The following ITFG1 variants were observed in gnomAD, a reference collection of about 807,000 sequenced individuals.
The protein encoded by ITFG1 is T-cell immunomodulatory protein.
ITFG1 carries 34 observed loss-of-function variants against 81.8 expected under a neutral mutation model. That is an observed-to-expected ratio of 0.42 (90% CI 0.32 to 0.55). ITFG1 has a LOEUF of 0.55. Ranked by LOEUF, ITFG1 falls within the 20% of genes least tolerant of loss-of-function variation. ITFG1 has a pLI of 0.17. For synonymous variants in ITFG1, 285 were observed against 270.6 expected (o/e 1.05, Z -0.52); for missense variants, 672 against 755.4 (o/e 0.89, Z 1.29).
chr16:47,364,259 T>C (rs1968147365), intron 8 of ITFG1, among the ~76,000 whole-genome samples: 1 of 152,172 alleles, frequency 6.6e-6, no homozygotes, highest in South Asian at 2.1e-4. Flanking sequence ...GAGCAATAGA[T>C]ATGTTTCTTA....
At chr16:47,348,703 C>T (rs1967899204) in intron 8 of ITFG1, among the ~76,000 whole-genome samples, 1 of 152,090 alleles carries the variant, frequency 6.6e-6, no homozygotes, top group Admixed American at 6.5e-5. Context: ...TCAGGAAATA[C>T]AGAGAACACC....
intron 6 of ITFG1, among the ~76,000 whole-genome samples, chr16:47,378,463 C>T (rs1968354951): frequency 6.6e-6 from 1 of 152,110 alleles, no homozygotes; most frequent in East Asian, 1.9e-4. Context: ...AAAACCAATT[C>T]AAAAATTTTT....
chr16:47,345,109 T>C (rs35514741), intron 8 of ITFG1, among the ~76,000 whole-genome samples: 101,304 of 151,950 alleles, frequency 0.67, 34,033 homozygotes, highest in East Asian at 0.92. Flanking sequence ...TTAGCAAGGG[T>C]TAAAACAGTA....
intron 14 of ITFG1, among the ~76,000 whole-genome samples, chr16:47,206,760 A>G (rs555952417): frequency 1.3e-5 from 2 of 152,232 alleles, no homozygotes; most frequent in Admixed American, 1.3e-4. Context: ...CCATCTCCTT[A>G]ACACATCCCT....
At chr16:47,460,771 T>C in intron 1 of ITFG1, 67 bp downstream of exon 1, 1 of 1,545,908 alleles carries the variant, frequency 6.5e-7, no homozygotes, top group Non-Finnish European at 8.9e-7. Flanking sequence ...CATTGGGCAA[T>C]GGGTTTGGGG....
chr16:47,273,529 A>C (rs1241906472), intron 10 of ITFG1, among the ~76,000 whole-genome samples: 4 of 152,196 alleles, frequency 2.6e-5, no homozygotes, highest in Non-Finnish European at 5.9e-5. Context: ...ATTCACAATA[A>C]AGTTCACTTT....
intron 14 of ITFG1, among the ~76,000 whole-genome samples, chr16:47,178,414 T>C (rs1965056482): frequency 6.6e-6 from 1 of 152,128 alleles, no homozygotes; most frequent in Non-Finnish European, 1.5e-5. Context: ...AGACAAGAAA[T>C]AATACCACAC....
intron 13 of ITFG1, among the ~76,000 whole-genome samples, chr16:47,226,816 T>C (rs1181233380): frequency 6.6e-6 from 1 of 151,808 alleles, no homozygotes; most frequent in East Asian, 2.0e-4. Context: ...TTAAAGAGAT[T>C]TGTAATAACA....
intron 10 of ITFG1, among the ~76,000 whole-genome samples, chr16:47,302,157 T>C (rs1967086682): frequency 6.6e-6 from 1 of 152,218 alleles, no homozygotes; most frequent in Non-Finnish European, 1.5e-5. Flanking sequence ...GAGGGAATTA[T>C]TCTGGTTCTT....
chr16:47,461,182 C>T (rs1969539974), upstream of ITFG1: 1 of 999,892 alleles, frequency 1.0e-6, no homozygotes, highest in South Asian at 1.7e-5. Context: ...TTCTCTCTCC[C>T]ACTAGGGCTG....
chr16:47,353,985 T>C (rs898884012), intron 8 of ITFG1, among the ~76,000 whole-genome samples: 7 of 151,956 alleles, frequency 4.6e-5, no homozygotes, highest in African/African-American at 1.7e-4. Context: ...CCCAAAGCAA[T>C]CTACAGATTC....
intron 5 of ITFG1, among the ~76,000 whole-genome samples, chr16:47,438,785 C>A (rs1179878014): frequency 6.6e-6 from 1 of 152,208 alleles, no homozygotes; most frequent in East Asian, 1.9e-4. Flanking sequence ...CACCTCTCCT[C>A]CTCCAAAGGA....
At chr16:47,372,778 A>G (rs564822060) in intron 7 of ITFG1, among the ~76,000 whole-genome samples, 135 of 152,314 alleles carry the variant, frequency 8.9e-4, no homozygotes, top group Middle Eastern at 6.8e-3. Context: ...GCTCACCAGA[A>G]GAAAACACAA....
At chr16:47,303,425 T>G (rs1967108704) in intron 10 of ITFG1, among the ~76,000 whole-genome samples, 1 of 152,224 alleles carries the variant, frequency 6.6e-6, no homozygotes, top group Non-Finnish European at 1.5e-5. Context: ...AGACTTATTA[T>G]GAGCTTTAAA....
intron 10 of ITFG1, among the ~76,000 whole-genome samples, chr16:47,274,234 G>C (rs916388177): frequency 2.6e-5 from 4 of 151,938 alleles, no homozygotes; most frequent in Admixed American, 6.6e-5. Context: ...TCCAGCCTGG[G>C]GGACAGAGGG....
chr16:47,236,447 C>G (rs1450657197), intron 13 of ITFG1, among the ~76,000 whole-genome samples: 3 of 146,372 alleles, frequency 2.0e-5, no homozygotes, highest in Middle Eastern at 6.9e-3. Context: ...TGCACTGCAG[C>G]CTGGGGGACA....
chr16:47,378,265 C>A (rs1301638461), intron 6 of ITFG1, among the ~76,000 whole-genome samples: 1 of 152,160 alleles, frequency 6.6e-6, no homozygotes, highest in Non-Finnish European at 1.5e-5. Context: ...AAACTCTTAA[C>A]CCATTTGAAA....
rs113453214 is a variant in ITFG1 at position 47,203,327 on chromosome 16, T to G, written c.1453+15541A>C. ...ACTTTTTGGCACCAGGAACTGGTTT[T>G]GTGGAAGACAATTTTTCCACGGACC... On this transcript the variant is annotated intron_variant, in intron 14 of 17. Coordinates refer to ENST00000320640, the MANE Select transcript of ITFG1 (RefSeq NM_030790.5). Among the ~76,000 whole-genome samples the G allele has an allele frequency of 2.0e-3, 310 of 152,354 alleles. 4 individuals are homozygous for G. The highest frequency in any genetic ancestry group is 7.1e-3 in the African/African-American group (295 of 41,578).
intron 8 of ITFG1, among the ~76,000 whole-genome samples, chr16:47,314,627 C>T (rs1967323362): frequency 6.6e-6 from 1 of 152,148 alleles, no homozygotes; most frequent in Non-Finnish European, 1.5e-5. Flanking sequence ...CTCTCTAGTG[C>T]TCTCTCCCAT....
Sources: allele counts gnomAD v4.1 joint callset (sites outside exome capture counted in the v4.1 genomes callset), GRCh38; gene constraint gnomAD v4.1.1; transcripts MANE v1.5; gene names NCBI Gene and HGNC (gene_info 2026-07-23, HGNC 2026-07-21).